The following NUDT3 variants were observed in gnomAD, a reference collection of about 807,000 sequenced individuals.
NUDT3 encodes the protein nudix hydrolase 3.
NUDT3 carries 9 observed loss-of-function variants against 23.6 expected under a neutral mutation model. The observed-to-expected ratio is 0.38, with a 90% confidence interval of 0.23 to 0.66. The LOEUF (loss-of-function observed/expected upper bound fraction) is 0.66. Among genes scored for constraint, NUDT3 ranks in the 30% least tolerant of loss-of-function variants. NUDT3 has a pLI of 0.52. For synonymous variants in NUDT3, 86 were observed against 82.6 expected, an observed-to-expected ratio of 1.04 and a Z score of -0.22; for missense variants, 172 against 218.5, an observed-to-expected ratio of 0.79 and a Z score of 1.34.
chr6:34,289,306 C>T (rs1201801831), intron 4 of NUDT3, among the ~76,000 whole-genome samples: 1 of 152,212 alleles, frequency 6.6e-6, no homozygotes, highest in Non-Finnish European at 1.5e-5. Context: ...GTGGCTCACG[C>T]CTACAATCCC....
Position 34,287,563 on chromosome 6 carries a change from G to A in NUDT3, c.*1190C>T, listed in dbSNP as rs1763351931. On this transcript the variant is annotated 3_prime_UTR_variant, in exon 5 of 5. Transcript: ENST00000607016. ...AGCATGCTCCATGGTGCAATCACAAGTGCCATGCCAATACAAAGACAAGCA... is the reference window on the plus strand; with the variant it reads ...AGCATGCTCCATGGTGCAATCACAAATGCCATGCCAATACAAAGACAAGCA... 6.6e-6 allele frequency: 1 copy of A among 152,214 alleles called. No homozygotes were observed. 9.4% of individuals were successfully genotyped at this position (152,214 alleles called of 1,614,324 possible).
chr6:34,342,289 C>CAAAAAAAA (rs200954440), intron 1 of NUDT3, among the ~76,000 whole-genome samples: 17 of 66,488 alleles, frequency 2.6e-4, no homozygotes, highest in African/African-American at 4.5e-4. Flanking sequence ...TAGAAGACTT[C>CAAAAAAAA]AAAAAAAAAA....
At chr6:34,390,690 A>G (rs1765184303) in intron 1 of NUDT3, among the ~76,000 whole-genome samples, 1 of 152,170 alleles carries the variant, frequency 6.6e-6, no homozygotes, top group African/African-American at 2.4e-5. Context: ...ACAGTCTTGC[A>G]TCATTCGTAC....
chr6:34,331,030 C>G (rs1367303333), intron 2 of NUDT3, among the ~76,000 whole-genome samples: 1 of 151,946 alleles, frequency 6.6e-6, no homozygotes, highest in Non-Finnish European at 1.5e-5. Flanking sequence ...AATTTTTGTA[C>G]TTTTAGTAGA....
intron 2 of NUDT3, among the ~76,000 whole-genome samples, chr6:34,327,025 C>T (rs988567316): frequency 2.0e-5 from 3 of 151,618 alleles, no homozygotes; most frequent in East Asian, 1.9e-4. Flanking sequence ...ACCACCAAGA[C>T]GCGGAGACCG....
chr6:34,295,676 T>C lies in NUDT3; in HGVS notation c.220A>G (p.Lys74Glu). The C allele has an allele frequency of 6.2e-7, 1 of 1,614,032 alleles. No homozygotes were observed. Among genetic ancestry groups the C allele is most frequent in the East Asian group, 2.2e-5 (1 of 44,860 alleles). Residue 74 changes from lysine (K) to glutamate (E), a missense_variant, in exon 3 of 5, where the codon AAA becomes GAA. Around this residue, in one of 3 missense-constraint regions of NUDT3, gnomAD observed 59 missense variants for 107.4 expected, o/e 0.55. Coordinates refer to ENST00000607016, the MANE Select transcript of NUDT3 (RefSeq NM_006703.4). ...CCAACTAATCTTCCCAATGTCCCTT[T>C]TACTCCAGCCTAGAAAGTGAAAAGA... ...VREVCEEAGV[K>E]GTLGRLVGIF...
intron 1 of NUDT3, among the ~76,000 whole-genome samples, chr6:34,372,719 G>C (rs1382642296): frequency 6.6e-6 from 1 of 151,952 alleles, no homozygotes; most frequent in South Asian, 2.1e-4. Context: ...CAGGAGAATC[G>C]CTTGAACCCA....
chr6:34,295,094 A>G (rs1188860137), intron 3 of NUDT3, among the ~76,000 whole-genome samples: 1 of 152,186 alleles, frequency 6.6e-6, no homozygotes, highest in Non-Finnish European at 1.5e-5. Context: ...GGTAGGAGAC[A>G]AAGAAAAGTA....
At position 34,297,751 on chromosome 6, in the gene NUDT3, A is replaced by ATTTTTTTT. The variant is rs1385097017; in HGVS notation, c.211-2067_211-2066insAAAAAAAA. 7.0e-5 allele frequency among the ~76,000 whole-genome samples: 7 copies of ATTTTTTTT among 99,742 alleles called. No individual in the cohort carries two copies. The Admixed American group carries it at 7.9e-4, about 11-fold the overall frequency. 65.4% of individuals were successfully genotyped at this position (99,742 alleles called of 152,430 possible). ...AAAAAATATATATATATATATATAT[A>ATTTTTTTT]TATATATAATTTTTTTTTTTTTTTT... On this transcript the variant is annotated intron_variant, in intron 2 of 4. Coordinates refer to ENST00000607016, the MANE Select transcript of NUDT3 (RefSeq NM_006703.4).
chr6:34,344,227 C>G (rs1302445919), intron 1 of NUDT3, among the ~76,000 whole-genome samples: 1 of 152,172 alleles, frequency 6.6e-6, no homozygotes, highest in African/African-American at 2.4e-5. Context: ...GGTACTCAAA[C>G]AGACACTTCC....
At chr6:34,359,307 A>T (rs1764612362) in intron 1 of NUDT3, among the ~76,000 whole-genome samples, 1 of 152,166 alleles carries the variant, frequency 6.6e-6, no homozygotes, top group Admixed American at 6.5e-5. Flanking sequence ...TGGGAGGTGG[A>T]GGATGCAGTG....
At chr6:34,297,079 C>G (rs1021764005) in intron 2 of NUDT3, among the ~76,000 whole-genome samples, 1 of 151,548 alleles carries the variant, frequency 6.6e-6, no homozygotes, top group African/African-American at 2.4e-5. Context: ...CTACAGGTGC[C>G]CGCCACCACG....
chr6:34,318,195 T>C (rs1403205002), intron 2 of NUDT3, among the ~76,000 whole-genome samples: 3 of 152,234 alleles, frequency 2.0e-5, no homozygotes, highest in Non-Finnish European at 4.4e-5. Flanking sequence ...TTTAGAATTC[T>C]TGGGGGAAAG....
At position 34,392,264 on chromosome 6, in the gene NUDT3, C is replaced by T. The variant is rs373208849; in HGVS notation, c.99G>A (p.Glu33=). The T allele has an allele frequency of 1.3e-6, 2 of 1,593,272 alleles. No individual in the cohort carries two copies. Among genetic ancestry groups the T allele is most frequent in the South Asian group, 2.2e-5 (2 of 89,282 alleles). ...CLCFRSESEE[E]VLLVSSSRHP... ...CGGCCCGCCCAGCCTGCCGCCTCAC[C>T]TCCTCCTCGCTCTCGCTGCGGAAAC... Residue 33 remains glutamate (E), a splice_region_variant and synonymous_variant, in exon 1 of 5, where the codon GAG becomes GAA. Coordinates refer to ENST00000607016, the MANE Select transcript of NUDT3 (RefSeq NM_006703.4).
chr6:34,391,189 G>A (rs762706656), intron 1 of NUDT3, among the ~76,000 whole-genome samples: 3 of 152,084 alleles, frequency 2.0e-5, no homozygotes, highest in Non-Finnish European at 4.4e-5. Context: ...CATAACTAAC[G>A]GGTCAAGTTC....
At chr6:34,362,748 G>A (rs1474879313) in intron 1 of NUDT3, among the ~76,000 whole-genome samples, 1 of 152,072 alleles carries the variant, frequency 6.6e-6, no homozygotes, top group African/African-American at 2.4e-5. Context: ...GAGTCTCTGC[G>A]CCTGGCCCCA....
intron 2 of NUDT3, among the ~76,000 whole-genome samples, chr6:34,325,583 C>T (rs544714789): frequency 1.1e-4 from 16 of 152,174 alleles, no homozygotes; most frequent in Admixed American, 2.0e-4. Flanking sequence ...CCTAGGAGGG[C>T]GGAATAAAGA....
At chr6:34,330,545 C>T (rs1321166525) in intron 2 of NUDT3, among the ~76,000 whole-genome samples, 1 of 152,114 alleles carries the variant, frequency 6.6e-6, no homozygotes, top group African/African-American at 2.4e-5. Context: ...GCCTATAATC[C>T]TAGCACTTTT....
At chr6:34,315,186 A>G (rs1011016338) in intron 2 of NUDT3, among the ~76,000 whole-genome samples, 11 of 152,230 alleles carry the variant, frequency 7.2e-5, no homozygotes, top group African/African-American at 2.7e-4. Flanking sequence ...GGGAACAAAC[A>G]CTTAAGAAAA....
Sources: allele counts gnomAD v4.1 joint callset (sites outside exome capture counted in the v4.1 genomes callset), GRCh38; gene constraint gnomAD v4.1.1; regional missense constraint gnomAD v4.1.1; transcripts MANE v1.5; gene names NCBI Gene and HGNC (gene_info 2026-07-23, HGNC 2026-07-21).